The following HS6ST3 variants were observed in gnomAD, a reference collection of about 807,000 sequenced individuals.
HS6ST3 encodes heparan sulfate 6-O-sulfotransferase 3, also known as heparan-sulfate 6-O-sulfotransferase 3.
HS6ST3 carries 12 observed loss-of-function variants against 36.7 expected under a neutral mutation model. The ratio of observed to expected loss-of-function variants is 0.33; its 90% CI spans 0.21 to 0.53. The LOEUF is 0.53. Ranked by LOEUF, HS6ST3 falls within the 20% of genes least tolerant of loss-of-function variation. HS6ST3 has a pLI of 0.95. For synonymous variants in HS6ST3, 240 were observed against 257.5 expected (o/e 0.93, Z 0.65); for missense variants, 584 against 640.9 (o/e 0.91, Z 0.96).
At chr13:96,107,584 C>T (rs1300961734) in intron 1 of HS6ST3, among the ~76,000 whole-genome samples, 1 of 152,120 alleles carries the variant, frequency 6.6e-6, no homozygotes, top group African/African-American at 2.4e-5. Flanking sequence ...ATTCTTTCCT[C>T]TGCAAGTCAG....
At chr13:96,307,407 A>G (rs1186671191) in intron 1 of HS6ST3, among the ~76,000 whole-genome samples, 1 of 152,146 alleles carries the variant, frequency 6.6e-6, no homozygotes, top group Non-Finnish European at 1.5e-5. Flanking sequence ...TAGATGAATG[A>G]TATCTTAATT....
intron 1 of HS6ST3, among the ~76,000 whole-genome samples, chr13:96,783,657 C>T (rs1313670200): frequency 6.6e-6 from 1 of 151,294 alleles, no homozygotes; most frequent in Non-Finnish European, 1.5e-5. Flanking sequence ...CAGGATGGAG[C>T]CACTTCAGGT....
At chr13:96,534,326 C>T (rs2056146999) in intron 1 of HS6ST3, among the ~76,000 whole-genome samples, 1 of 152,172 alleles carries the variant, frequency 6.6e-6, no homozygotes, top group Non-Finnish European at 1.5e-5. Flanking sequence ...GATATATATA[C>T]TGGCTGTATT....
intron 1 of HS6ST3, among the ~76,000 whole-genome samples, chr13:96,647,066 A>G (rs1436539861): frequency 6.6e-6 from 1 of 151,994 alleles, no homozygotes; most frequent in Admixed American, 6.6e-5. Context: ...TTTTTCCACA[A>G]TAATTCTTAG....
chr13:96,335,744 C>T (rs2055097530), intron 1 of HS6ST3, among the ~76,000 whole-genome samples: 1 of 152,162 alleles, frequency 6.6e-6, no homozygotes, highest in African/African-American at 2.4e-5. Context: ...TTGATTTCCT[C>T]CGGCCTTCAG....
chr13:96,392,425 T>C (rs1423033015), intron 1 of HS6ST3, among the ~76,000 whole-genome samples: 1 of 152,088 alleles, frequency 6.6e-6, no homozygotes, highest in Non-Finnish European at 1.5e-5. Context: ...TGGGGTGGGG[T>C]AATTAGCCTC....
intron 1 of HS6ST3, among the ~76,000 whole-genome samples, chr13:96,374,720 A>G (rs1005084325): frequency 6.6e-6 from 1 of 152,160 alleles, no homozygotes; most frequent in Non-Finnish European, 1.5e-5. Flanking sequence ...GTCACTATAC[A>G]TCAGAGAACA....
chr13:96,400,628 T>G (rs1331651035), intron 1 of HS6ST3, among the ~76,000 whole-genome samples: 1 of 151,886 alleles, frequency 6.6e-6, no homozygotes, highest in Non-Finnish European at 1.5e-5. Flanking sequence ...GGGATATTGA[T>G]GGGAAGATGA....
At chr13:96,481,534 C>A (rs1318379402) in intron 1 of HS6ST3, among the ~76,000 whole-genome samples, 1 of 152,168 alleles carries the variant, frequency 6.6e-6, no homozygotes, top group Non-Finnish European at 1.5e-5. Flanking sequence ...CTCTGCTTAA[C>A]CCCCAGACTG....
At chr13:96,620,196 A>G (rs1001805947) in intron 1 of HS6ST3, among the ~76,000 whole-genome samples, 1 of 152,192 alleles carries the variant, frequency 6.6e-6, no homozygotes, top group Non-Finnish European at 1.5e-5. Context: ...TGCTTAAACA[A>G]TCTCCCAATA....
chr13:96,398,443 C>T (rs185722568), intron 1 of HS6ST3, among the ~76,000 whole-genome samples: 226 of 152,182 alleles, frequency 1.5e-3, no homozygotes, highest in African/African-American at 5.3e-3. Context: ...CCACCATGCT[C>T]AGCTAATTTT....
chr13:96,607,372 A>G (rs912785954), intron 1 of HS6ST3, among the ~76,000 whole-genome samples: 48 of 152,244 alleles, frequency 3.2e-4, no homozygotes, highest in African/African-American at 1.2e-3. Flanking sequence ...TCTAATGTCT[A>G]GCAAAGGACA....
At chr13:96,139,536 A>G (rs1419492922) in intron 1 of HS6ST3, among the ~76,000 whole-genome samples, 1 of 111,964 alleles carries the variant, frequency 8.9e-6, no homozygotes, top group African/African-American at 3.2e-5. Flanking sequence ...ATACTGTAAG[A>G]TTCAGAAAAA....
At chr13:96,225,558 A>G (rs1208360263) in intron 1 of HS6ST3, among the ~76,000 whole-genome samples, 1 of 152,232 alleles carries the variant, frequency 6.6e-6, no homozygotes, top group African/African-American at 2.4e-5. Context: ...AGGTAGTACT[A>G]GAAAAGGGAA....
intron 1 of HS6ST3, among the ~76,000 whole-genome samples, chr13:96,611,030 T>C (rs2056455485): frequency 6.6e-6 from 1 of 151,698 alleles, no homozygotes; most frequent in South Asian, 2.1e-4. Flanking sequence ...CAGAGACATA[T>C]CAATTCTCCT....
chr13:96,499,937 A>G (rs1421553761), intron 1 of HS6ST3, among the ~76,000 whole-genome samples: 2 of 152,214 alleles, frequency 1.3e-5, no homozygotes, highest in East Asian at 1.9e-4. Context: ...TTATTCAGAT[A>G]TGATTCATAT....
intron 1 of HS6ST3, among the ~76,000 whole-genome samples, chr13:96,815,852 G>T (rs575756883): frequency 2.0e-5 from 3 of 152,140 alleles, no homozygotes; most frequent in Non-Finnish European, 4.4e-5. Flanking sequence ...AACTTGACTA[G>T]ATATGCTGTG....
rs563756853 is a variant in HS6ST3, at chr13:96,544,204, G to A, written c.708-288286G>A. On this transcript the variant is annotated intron_variant, in intron 1 of 1. Coordinates refer to ENST00000376705, the MANE Select transcript of HS6ST3 (RefSeq NM_153456.4). ...TATTCTCACTGATAAACTCAAATCT[G>A]GAACACTGCGTCTAATTTGGGGACT... 3.9e-5 allele frequency among the ~76,000 whole-genome samples: 6 copies of A among 152,180 alleles called. No homozygotes were observed. The South Asian group carries it at 1.2e-3, about 32-fold the overall frequency.
intron 1 of HS6ST3, among the ~76,000 whole-genome samples, chr13:96,139,541 G>GCAAAAAAAAAAAAAAAAAAAAAA (rs371698480): frequency 1.5e-5 from 1 of 66,264 alleles, no homozygotes; most frequent in African/African-American, 6.1e-5. Flanking sequence ...GTAAGATTCA[G>GCAAAAAAAAAAAAAAAAAAAAAA]AAAAAAAAAA....
Sources: gnomAD v4.1 joint callset for allele counts (sites outside exome capture counted in the v4.1 genomes callset) on GRCh38, gnomAD v4.1.1 for gene constraint, MANE v1.5 for transcripts, NCBI Gene and HGNC (gene_info 2026-07-23, HGNC 2026-07-21) for gene names.